The following TSHZ3 variants were observed in gnomAD, a reference collection of about 807,000 sequenced individuals.
The protein encoded by TSHZ3 is teashirt homolog 3.
In TSHZ3, 10 loss-of-function variants were observed where a neutral mutation model predicts 64.5. The ratio of observed to expected loss-of-function variants is 0.16; its 90% CI spans 0.10 to 0.26. The LOEUF (loss-of-function observed/expected upper bound fraction) is 0.26. Ranked by LOEUF, TSHZ3 falls within the 10% of genes least tolerant of loss-of-function variation. The probability of loss-of-function intolerance (pLI) is 1.00; values close to 1 mark genes in which losing one functional copy is unlikely to be tolerated. For synonymous variants in TSHZ3, 608 were observed against 593.1 expected, an observed-to-expected ratio of 1.03 and a Z score of -0.36; for missense variants, 1,242 against 1,421.7, an observed-to-expected ratio of 0.87 and a Z score of 2.03.
intron 1 of TSHZ3, among the ~76,000 whole-genome samples, chr19:31,335,648 G>A (rs369258429): frequency 2.0e-5 from 3 of 152,350 alleles, no homozygotes; most frequent in African/African-American, 7.2e-5. Flanking sequence ...ATCGTCACCT[G>A]AAGTCGAAGC....
intron 4 of TSHZ3, among the ~76,000 whole-genome samples, chr19:31,215,847 G>C (rs1344633468): frequency 1.3e-5 from 2 of 151,978 alleles, no homozygotes; most frequent in Non-Finnish European, 2.9e-5. Context: ...CTCCAGCCTT[G>C]GCGACAAAGC....
intron 1 of TSHZ3, among the ~76,000 whole-genome samples, chr19:31,316,061 G>A (rs979495709): frequency 3.3e-5 from 5 of 152,102 alleles, no homozygotes; most frequent in African/African-American, 7.2e-5. Flanking sequence ...CTTGCACTTC[G>A]GGTGGGTGTG....
intron 5 of TSHZ3, among the ~76,000 whole-genome samples, chr19:31,159,232 C>T (rs1205642096): frequency 6.6e-6 from 1 of 152,154 alleles, no homozygotes; most frequent in African/African-American, 2.4e-5. Flanking sequence ...AACTCCTGAC[C>T]TCCGGTAATC....
intron 4 of TSHZ3, among the ~76,000 whole-genome samples, chr19:31,205,395 G>T (rs1975152602): frequency 6.6e-6 from 1 of 152,146 alleles, no homozygotes; most frequent in African/African-American, 2.4e-5. Flanking sequence ...CTGTATCTCT[G>T]CATTCACTGC....
At chr19:31,328,156 T>C (rs531993073) in intron 1 of TSHZ3, among the ~76,000 whole-genome samples, 1 of 152,318 alleles carries the variant, frequency 6.6e-6, no homozygotes, top group South Asian at 2.1e-4. Context: ...GAAATATAAC[T>C]TTTGCCCAGG....
intron 1 of TSHZ3, among the ~76,000 whole-genome samples, chr19:31,335,195 C>T (rs900789003): frequency 1.3e-5 from 2 of 152,208 alleles, no homozygotes; most frequent in South Asian, 2.1e-4. Context: ...AAATGATTCA[C>T]GGGATCTTTC....
downstream of TSHZ3, among the ~76,000 whole-genome samples, chr19:31,270,861 A>G (rs1436361473): frequency 6.6e-6 from 1 of 152,228 alleles, no homozygotes; most frequent in African/African-American, 2.4e-5. Context: ...CACCTTTCTT[A>G]TCACCTTAAT....
Position 31,277,091 on chromosome 19 carries a change from T to TG in TSHZ3, c.2701dup (p.Gln901ProfsTer79). On this transcript the variant is annotated frameshift_variant, in exon 2 of 2. Coordinates refer to ENST00000240587, the MANE Select transcript of TSHZ3 (RefSeq NM_020856.4). LOFTEE classifies it high-confidence loss of function. This position sits in a 1 kb window ranked among gnomAD's most constrained non-coding sequence, Gnocchi z 4.5. ...CTGGGCCTGGAGGATCAGGAGGTGC[T>TG]GGGGGTTCCAGTTTGACTGGCGGCC... is the stretch of plus-strand genomic sequence containing the variant. 6.2e-7 allele frequency: 1 copy of TG among 1,605,440 alleles called. No individual in the cohort carries two copies. Among genetic ancestry groups the TG allele is most frequent in the Non-Finnish European group, 8.5e-7 (1 of 1,174,980 alleles).
At chr19:31,205,560 C>T (rs1356083139) in intron 4 of TSHZ3, among the ~76,000 whole-genome samples, 1 of 152,204 alleles carries the variant, frequency 6.6e-6, no homozygotes, top group Non-Finnish European at 1.5e-5. Context: ...TCCTTCCTGG[C>T]CCCAGCTGGC....
At chr19:31,171,940 C>A (rs1482828195) in intron 5 of TSHZ3, among the ~76,000 whole-genome samples, 1 of 152,194 alleles carries the variant, frequency 6.6e-6, no homozygotes, top group East Asian at 1.9e-4. Flanking sequence ...AGTAACCATG[C>A]AAGCCTCTCC....
At chr19:31,251,436 C>G (rs559098194) in intron 1 of TSHZ3, among the ~76,000 whole-genome samples, 1 of 152,176 alleles carries the variant, frequency 6.6e-6, no homozygotes, top group African/African-American at 2.4e-5. Flanking sequence ...CCTCACCCTG[C>G]CTCCTGCTCC....
chr19:31,330,852 G>A (rs934918187), intron 1 of TSHZ3, among the ~76,000 whole-genome samples: 36 of 152,034 alleles, frequency 2.4e-4, no homozygotes, highest in African/African-American at 1.9e-4. Context: ...GAGAGAAGGT[G>A]GGCCGTACCC....
chr19:31,343,486 CT>C (rs1917494431), intron 1 of TSHZ3, among the ~76,000 whole-genome samples: 1 of 152,118 alleles, frequency 6.6e-6, no homozygotes, highest in African/African-American at 2.4e-5. Flanking sequence ...GAAATGTCTT[CT>C]TTTTTAAATG....
At chr19:31,225,365 G>A (rs1224642609) in intron 4 of TSHZ3, among the ~76,000 whole-genome samples, 1 of 152,144 alleles carries the variant, frequency 6.6e-6, no homozygotes, top group Non-Finnish European at 1.5e-5. Context: ...TGGCAGAGAC[G>A]CTGCAATCCA....
chr19:31,278,441 G>A lies in TSHZ3; in HGVS notation c.1352C>T (p.Thr451Ile), dbSNP rs772045197. Residue 451 changes from threonine to isoleucine, a missense_variant, in exon 2 of 2, where the codon ACC becomes ATC. Thr to Ile is a moderately conservative substitution (Grantham distance 89, BLOSUM62 -1). Coordinates refer to ENST00000240587, the MANE Select transcript of TSHZ3 (RefSeq NM_020856.4). The surrounding 1 kb of genome is among the most constrained non-coding windows in gnomAD (Gnocchi z 4.7). ...AGGTGTATTGGAGGGGGACGTGAAG[G>A]TGGTGGCTGCCAGGGGCACGGACTG... ...KVQSVPLAATTFTSPSNTPAS... is the reference protein window; with the variant it reads ...KVQSVPLAATIFTSPSNTPAS... 68 of 1,614,056 alleles carry A rather than the reference G, an allele frequency of 4.2e-5. No homozygotes were observed. The highest frequency in any genetic ancestry group is 5.3e-5 in the Non-Finnish European group (62 of 1,180,044).
At chr19:31,309,540 C>A (rs1234413463) in intron 1 of TSHZ3, among the ~76,000 whole-genome samples, 1 of 152,168 alleles carries the variant, frequency 6.6e-6, no homozygotes, top group African/African-American at 2.4e-5. Context: ...CATTGGGAAC[C>A]ATCAAGTCAG....
chr19:31,263,067 G>T (rs1049577716), intron 1 of TSHZ3, among the ~76,000 whole-genome samples: 4 of 152,126 alleles, frequency 2.6e-5, no homozygotes, highest in African/African-American at 4.8e-5. Context: ...GGACATCTTG[G>T]GTGAGCAGAA....
intron 1 of TSHZ3, among the ~76,000 whole-genome samples, chr19:31,315,544 G>A (rs974362588): frequency 3.9e-5 from 6 of 152,190 alleles, no homozygotes; most frequent in East Asian, 1.9e-4. Flanking sequence ...GGGTGTGTGC[G>A]CCCTAGACTT....
At chr19:31,272,555 T>C (rs1976157880), downstream of TSHZ3, among the ~76,000 whole-genome samples, 1 of 152,236 alleles carries the variant, frequency 6.6e-6, no homozygotes, top group South Asian at 2.1e-4. Context: ...GGATTTTGGT[T>C]AATTATAGAA....
Sources: allele counts gnomAD v4.1 joint callset (sites outside exome capture counted in the v4.1 genomes callset), GRCh38; gene constraint gnomAD v4.1.1; non-coding constraint Gnocchi (gnomAD v3.1); transcripts MANE v1.5; gene names NCBI Gene and HGNC (gene_info 2026-07-23, HGNC 2026-07-21).